The following RAPGEF4 variants were observed in gnomAD, a reference collection of about 807,000 sequenced individuals.
The protein encoded by RAPGEF4 is Rap guanine nucleotide exchange factor 4.
A neutral mutation model predicts 147.9 loss-of-function variants in RAPGEF4; 66 were observed. The observed-to-expected ratio is 0.45, with a 90% CI of 0.37 to 0.55. RAPGEF4 has a LOEUF of 0.55. Among genes scored for constraint, RAPGEF4 ranks in the 20% least tolerant of loss-of-function variants. RAPGEF4 has a pLI of 0.00. For missense variants in RAPGEF4, 1,071 were observed against 1,257.3 expected (o/e 0.85, Z 2.24); for synonymous variants, 419 against 442.7 (o/e 0.95, Z 0.67).
intron 1 of RAPGEF4, among the ~76,000 whole-genome samples, chr2:172,777,815 T>C (rs1684320595): frequency 6.6e-6 from 1 of 152,136 alleles, no homozygotes; most frequent in Non-Finnish European, 1.5e-5. Flanking sequence ...TTTCCCTTCT[T>C]CCTGGGATCA....
intron 4 of RAPGEF4, among the ~76,000 whole-genome samples, chr2:172,817,916 TA>T (rs1439238020): frequency 5.5e-5 from 8 of 145,580 alleles, no homozygotes; most frequent in Admixed American, 3.5e-4. Context: ...TATATATATA[TA>T]ATATACATAT....
At chr2:172,845,501 C>CA (rs1359200205) in intron 4 of RAPGEF4, among the ~76,000 whole-genome samples, 2 of 151,836 alleles carry the variant, frequency 1.3e-5, no homozygotes, top group African/African-American at 4.8e-5. Context: ...TAGAAGGCAG[C>CA]AAAAAAATTG....
chr2:172,938,424 C>T (rs1054961576), intron 6 of RAPGEF4, among the ~76,000 whole-genome samples: 4 of 152,106 alleles, frequency 2.6e-5, no homozygotes, highest in Non-Finnish European at 4.4e-5. Context: ...CTGTCTAATT[C>T]GCATATACAT....
At chr2:173,049,738 A>G (rs1427518059) in intron 30 of RAPGEF4, among the ~76,000 whole-genome samples, 3 of 152,236 alleles carry the variant, frequency 2.0e-5, no homozygotes, top group East Asian at 3.8e-4. Flanking sequence ...TCTGACTTCC[A>G]AAATGTGAAT....
chr2:172,788,369 T>G (rs1183544965), intron 1 of RAPGEF4, among the ~76,000 whole-genome samples: 5 of 152,118 alleles, frequency 3.3e-5, no homozygotes, highest in Non-Finnish European at 2.9e-5. Context: ...GAGAAAACGT[T>G]GTAAGGAAAA....
At chr2:173,004,798 A>G (rs1018831615) in intron 17 of RAPGEF4, among the ~76,000 whole-genome samples, 1 of 152,052 alleles carries the variant, frequency 6.6e-6, no homozygotes, top group Non-Finnish European at 1.5e-5. Flanking sequence ...TTTTATGTTC[A>G]TAAGATTTTA....
At chr2:173,016,226 T>G in intron 18 of RAPGEF4, 123 bp from the exon 19 acceptor site, 1 of 670,186 alleles carries the variant, frequency 1.5e-6, no homozygotes, top group Non-Finnish European at 2.6e-6. Context: ...CTCCAGTCCA[T>G]GAAGCCATGG....
chr2:172,823,456 C>T (rs919718813), intron 4 of RAPGEF4, among the ~76,000 whole-genome samples: 1 of 152,182 alleles, frequency 6.6e-6, no homozygotes, highest in Non-Finnish European at 1.5e-5. Context: ...AACGGGTTCC[C>T]CCAGGCAAAG....
rs1373873375 is a variant in RAPGEF4, at chr2:173,001,315, T to C, written c.1629T>C (p.Asn543=). ...FIMMHCVFMP[N]TQLCPALVAH... ...TGATGCACTGTGTTTTTATGCCAAA[T>C]ACCCAGCTTTGCCCGGCACTGGTGG... is the stretch of plus-strand genomic sequence containing the variant. Residue 543 remains asparagine, a synonymous_variant, in exon 17 of 31, where the codon AAT becomes AAC. Transcript: ENST00000397081. The C allele has an allele frequency of 6.2e-7, 1 of 1,614,098 alleles. No homozygotes were observed. Among genetic ancestry groups the C allele is most frequent in the South Asian group, 1.1e-5 (1 of 91,074 alleles).
chr2:172,988,113 T>C, intron 12 of RAPGEF4, 83 bp from the exon 13 acceptor site: 1 of 1,468,944 alleles, frequency 6.8e-7, no homozygotes, highest in Non-Finnish European at 9.0e-7. Context: ...TTCTGGGGAC[T>C]TAAAGTGATG....
At chr2:172,877,682 C>T (rs1286691832) in intron 4 of RAPGEF4, among the ~76,000 whole-genome samples, 1 of 152,126 alleles carries the variant, frequency 6.6e-6, no homozygotes, top group Non-Finnish European at 1.5e-5. Flanking sequence ...AGACCGGCCT[C>T]TCAGATAAAA....
At chr2:172,765,557 A>G (rs1296837106) in intron 1 of RAPGEF4, among the ~76,000 whole-genome samples, 1 of 152,180 alleles carries the variant, frequency 6.6e-6, no homozygotes, top group Admixed American at 6.5e-5. Flanking sequence ...CCAGATCAAC[A>G]TGGTCCTGGG....
intron 29 of RAPGEF4, among the ~76,000 whole-genome samples, chr2:173,047,702 A>T (rs1463140360): frequency 6.7e-6 from 1 of 149,530 alleles, no homozygotes; most frequent in Admixed American, 6.7e-5. Flanking sequence ...CTTGAGACGG[A>T]GTCTCACTCT....
At chr2:172,756,878 A>G (rs1192468873) in intron 1 of RAPGEF4, among the ~76,000 whole-genome samples, 2 of 152,242 alleles carry the variant, frequency 1.3e-5, no homozygotes, top group Non-Finnish European at 2.9e-5. Flanking sequence ...ACAGAGTTAT[A>G]TATCTGCCTG....
At chr2:172,818,152 A>G (rs142797741) in intron 4 of RAPGEF4, among the ~76,000 whole-genome samples, 357 of 151,922 alleles carry the variant, frequency 2.3e-3, no homozygotes, top group Non-Finnish European at 4.3e-3. Context: ...GCAAAGGCGT[A>G]AGAATGACAC....
chr2:172,942,486 C>T (rs970060451), intron 6 of RAPGEF4, among the ~76,000 whole-genome samples: 8 of 150,080 alleles, frequency 5.3e-5, no homozygotes, highest in Non-Finnish European at 1.2e-4. Flanking sequence ...CATTTAGCCA[C>T]GCTATATGCC....
At chr2:172,757,538 T>C (rs889539495) in intron 1 of RAPGEF4, among the ~76,000 whole-genome samples, 8 of 152,232 alleles carry the variant, frequency 5.3e-5, no homozygotes, top group African/African-American at 1.9e-4. Context: ...CTTCTTCCCT[T>C]GCACAAACAT....
At chr2:172,938,136 A>G (rs1686784317) in intron 6 of RAPGEF4, among the ~76,000 whole-genome samples, 1 of 152,060 alleles carries the variant, frequency 6.6e-6, no homozygotes, top group Non-Finnish European at 1.5e-5. Context: ...CTACTAGGAT[A>G]TCTTAAGCCC....
At chr2:172,976,101 C>A (rs954086818) in intron 10 of RAPGEF4, among the ~76,000 whole-genome samples, 1 of 152,188 alleles carries the variant, frequency 6.6e-6, no homozygotes, top group Non-Finnish European at 1.5e-5. Context: ...AGACTGTATT[C>A]ATTTCTAACT....
Sources: gnomAD v4.1 joint callset for allele counts (sites outside exome capture counted in the v4.1 genomes callset) on GRCh38, gnomAD v4.1.1 for gene constraint, MANE v1.5 for transcripts, NCBI Gene and HGNC (gene_info 2026-07-23, HGNC 2026-07-21) for gene names.